NAALADL2: variants seen among roughly 807,000 people sequenced by gnomAD.
NAALADL2 encodes N-acetylated alpha-linked acidic dipeptidase like 2.
In NAALADL2, 76 loss-of-function variants were observed where a neutral mutation model predicts 87.2. That is an observed-to-expected ratio of 0.87 (90% CI 0.72 to 1.05). The LOEUF (loss-of-function observed/expected upper bound fraction) is 1.05, where lower values mean the gene tolerates loss of function less well. NAALADL2 is among the 50% of genes least tolerant of loss of function. The pLI is 0.00. For missense variants in NAALADL2, 1,089 were observed against 945.8 expected (o/e 1.15, Z -1.99); for synonymous variants, 354 against 331.0 (o/e 1.07, Z -0.75).
At chr3:175,410,319 A>T (rs1347936361) in intron 5 of NAALADL2, among the ~76,000 whole-genome samples, 2 of 152,142 alleles carry the variant, frequency 1.3e-5, no homozygotes, top group African/African-American at 4.8e-5. Context: ...ACATTTCTTA[A>T]AAGTTGTTTA....
intron 3 of NAALADL2, among the ~76,000 whole-genome samples, chr3:175,252,334 G>T (rs1434143182): frequency 6.6e-6 from 1 of 152,036 alleles, no homozygotes; most frequent in Non-Finnish European, 1.5e-5. Flanking sequence ...ATGTGTTAGG[G>T]TTATCTGTGA....
chr3:175,211,117 A>G (rs1158707500), intron 2 of NAALADL2, among the ~76,000 whole-genome samples: 1 of 151,862 alleles, frequency 6.6e-6, no homozygotes, highest in Non-Finnish European at 1.5e-5. Context: ...TTTGAAATGG[A>G]GCAGTTTATT....
intron 2 of NAALADL2, among the ~76,000 whole-genome samples, chr3:175,132,988 G>T (rs531642965): frequency 6.6e-6 from 1 of 151,422 alleles, no homozygotes; most frequent in Non-Finnish European, 1.5e-5. Flanking sequence ...GGGCAGAGAC[G>T]CTCCTCACCT....
At chr3:175,198,126 A>G (rs1215826123) in intron 2 of NAALADL2, among the ~76,000 whole-genome samples, 1 of 152,092 alleles carries the variant, frequency 6.6e-6, no homozygotes, top group African/African-American at 2.4e-5. Flanking sequence ...TCAATAACAA[A>G]CCATTTTCAG....
intron 9 of NAALADL2, among the ~76,000 whole-genome samples, chr3:175,573,083 T>A (rs1018009410): frequency 2.0e-5 from 3 of 152,176 alleles, no homozygotes; most frequent in Non-Finnish European, 4.4e-5. Context: ...GTTTATTTTT[T>A]AAAAAATAAT....
At chr3:174,649,875 C>A (rs191945910) in intron 2 of NAALADL2, among the ~76,000 whole-genome samples, 1 of 152,124 alleles carries the variant, frequency 6.6e-6, no homozygotes, top group Admixed American at 6.5e-5. Flanking sequence ...GTATTAAAAT[C>A]TTTTTATATC....
intron 5 of NAALADL2, among the ~76,000 whole-genome samples, chr3:175,338,282 T>G (rs1762202021): frequency 6.6e-6 from 1 of 152,092 alleles, no homozygotes; most frequent in Non-Finnish European, 1.5e-5. Flanking sequence ...CTGATCCATT[T>G]TAAGCATTGT....
intron 2 of NAALADL2, among the ~76,000 whole-genome samples, chr3:174,717,672 A>G (rs16863612): frequency 0.041 from 6,242 of 152,282 alleles, 458 homozygotes; most frequent in African/African-American, 0.14. Context: ...CGCCTCTTCA[A>G]AATGATTTCA....
intron 3 of NAALADL2, among the ~76,000 whole-genome samples, chr3:175,249,199 T>C (rs1046845130): frequency 6.6e-6 from 1 of 152,184 alleles, no homozygotes; most frequent in African/African-American, 2.4e-5. Flanking sequence ...GTAGACACTT[T>C]TTGTTTCTTG....
At chr3:175,014,011 T>G (rs1398193366) in intron 1 of NAALADL2, among the ~76,000 whole-genome samples, 1 of 152,160 alleles carries the variant, frequency 6.6e-6, no homozygotes, top group Admixed American at 6.6e-5. Flanking sequence ...ACATCCAGGT[T>G]AAAATCCGAC....
intron 4 of NAALADL2, among the ~76,000 whole-genome samples, chr3:175,270,541 C>T (rs139765952): frequency 1.2e-3 from 178 of 152,320 alleles, no homozygotes; most frequent in African/African-American, 3.8e-3. Context: ...GGTGAAACCA[C>T]AGGGCAATTG....
intron 1 of NAALADL2, among the ~76,000 whole-genome samples, chr3:174,884,011 T>C (rs1297930587): frequency 6.6e-6 from 1 of 152,170 alleles, no homozygotes; most frequent in Non-Finnish European, 1.5e-5. Context: ...ACTCCCTTCT[T>C]AGCCTGTTGA....
chr3:174,928,046 T>C (rs965296404), intron 1 of NAALADL2, among the ~76,000 whole-genome samples: 3 of 152,022 alleles, frequency 2.0e-5, no homozygotes. Flanking sequence ...TGTATATTTA[T>C]AGGAAAAAGT....
chr3:175,499,956 A>G (rs1032203224), intron 9 of NAALADL2, among the ~76,000 whole-genome samples: 1 of 152,080 alleles, frequency 6.6e-6, no homozygotes, highest in Non-Finnish European at 1.5e-5. Context: ...TAATATTGGA[A>G]TATTACTTTC....
At chr3:174,488,825 C>T (rs747360213) in intron 1 of NAALADL2, among the ~76,000 whole-genome samples, 12 of 151,954 alleles carry the variant, frequency 7.9e-5, no homozygotes, top group Non-Finnish European at 1.5e-4. Flanking sequence ...CAGCCACAGA[C>T]ACCCCCCCTA....
chr3:174,749,615 T>TACTTTTCCCTTAAGGTTCTGC (rs1364587412), intron 3 of NAALADL2, among the ~76,000 whole-genome samples: 2 of 152,214 alleles, frequency 1.3e-5, no homozygotes, highest in Non-Finnish European at 2.9e-5. Flanking sequence ...ATGGGTTTTG[T>TACTTTTCCCTTAAGGTTCTGC]ACTTTTCCCT....
rs142464432 is a variant in NAALADL2, at chr3:174,860,088, C to T, written c.43+638C>T. 3.5e-3 allele frequency among the ~76,000 whole-genome samples: 531 copies of T among 152,046 alleles called. 3 individuals are homozygous for T. Among genetic ancestry groups the T allele is most frequent in the Middle Eastern group, 0.02 (6 of 294 alleles). ...TTGTTCACCGAAACAAATTTAAGGT[C>T]GCTCACATTTCACATTTTTGGGTAA... On this transcript the variant is annotated intron_variant, in intron 1 of 13. Coordinates refer to ENST00000454872, the MANE Select transcript of NAALADL2 (RefSeq NM_207015.3).
chr3:174,459,907 C>T (rs781712051), intron 1 of NAALADL2: 1 of 152,112 alleles, frequency 6.6e-6, no homozygotes, highest in African/African-American at 2.4e-5. Context: ...GAAACATTAG[C>T]TGGAAACATT....
At chr3:175,713,311 C>T (rs1465201548) in intron 11 of NAALADL2, among the ~76,000 whole-genome samples, 1 of 152,024 alleles carries the variant, frequency 6.6e-6, no homozygotes, top group African/African-American at 2.4e-5. Flanking sequence ...ATTTTTTCAT[C>T]AACAGTTCTG....
Sources: gnomAD v4.1 joint callset for allele counts (sites outside exome capture counted in the v4.1 genomes callset) on GRCh38, gnomAD v4.1.1 for gene constraint, MANE v1.5 for transcripts, NCBI Gene and HGNC (gene_info 2026-07-23, HGNC 2026-07-21) for gene names.